FBXW8: variants seen among roughly 807,000 people sequenced by gnomAD.
FBXW8 encodes F-box/WD repeat-containing protein 8.
Under a neutral mutation model 65.3 loss-of-function variants are expected in FBXW8, and 57 were observed. That is an observed-to-expected ratio of 0.87 (90% CI 0.71 to 1.09). The LOEUF (loss-of-function observed/expected upper bound fraction) is 1.09. Among genes scored for constraint, FBXW8 ranks in the 50% least tolerant of loss-of-function variants. The probability of loss-of-function intolerance (pLI) is 0.00; values close to 1 mark genes in which losing one functional copy is unlikely to be tolerated. For synonymous variants in FBXW8, 308 were observed against 330.2 expected (o/e 0.93, Z 0.73); for missense variants, 777 against 814.8 (o/e 0.95, Z 0.57).
At chr12:116,980,457 A>G (rs1350779715) in intron 5 of FBXW8, 1 of 152,172 alleles carries the variant, frequency 6.6e-6, no homozygotes, top group East Asian at 1.9e-4. Flanking sequence ...ACCTTTATTG[A>G]TGTACAGCCA....
chr12:116,963,553 G>A (rs1396800110), intron 4 of FBXW8, among the ~76,000 whole-genome samples: 4 of 152,192 alleles, frequency 2.6e-5, no homozygotes, highest in Non-Finnish European at 5.9e-5. Context: ...GCAGTGAGCC[G>A]AAATTGTGCC....
intron 5 of FBXW8, among the ~76,000 whole-genome samples, chr12:116,969,132 G>A (rs568628413): frequency 2.2e-4 from 34 of 152,182 alleles, no homozygotes; most frequent in Non-Finnish European, 2.4e-4. Flanking sequence ...TGTCCTTTGG[G>A]GTTTCACGTC....
At chr12:116,928,970 C>T (rs918218231) in intron 2 of FBXW8, among the ~76,000 whole-genome samples, 24 of 152,044 alleles carry the variant, frequency 1.6e-4, no homozygotes, top group African/African-American at 5.3e-4. Context: ...GCTGCCATGC[C>T]CAGCTAATTT....
rs76433994 is a variant in FBXW8 at position 117,024,048 on chromosome 12, A to G, written c.1368-99A>G. ...TTGCAGCTGAGGAGTTTTTCATAGC[A>G]GTGTTGTGCATAGACCAGCACCGTG... On this transcript the variant is annotated intron_variant, in intron 8 of 10. Transcript: ENST00000652555. The G allele has an allele frequency of 1.5e-4, 184 of 1,236,968 alleles. No homozygotes were observed. The East Asian group carries it at 3.9e-3, about 26-fold the overall frequency. 76.6% of individuals were successfully genotyped at this position (1,236,968 alleles called of 1,614,324 possible).
intron 8 of FBXW8, among the ~76,000 whole-genome samples, chr12:117,016,098 C>T (rs546284340): frequency 3.3e-5 from 5 of 152,252 alleles, no homozygotes; most frequent in African/African-American, 9.6e-5. Context: ...GGGTTGCTTC[C>T]ACCTTTTGAC....
chr12:117,005,951 C>T (rs1276472997), intron 7 of FBXW8, among the ~76,000 whole-genome samples: 1 of 152,238 alleles, frequency 6.6e-6, no homozygotes, highest in Non-Finnish European at 1.5e-5. Flanking sequence ...AGCACAGCAC[C>T]TCCTAACCTT....
intron 5 of FBXW8, among the ~76,000 whole-genome samples, chr12:116,966,302 A>C (rs970611810): frequency 6.6e-6 from 1 of 152,200 alleles, no homozygotes; most frequent in African/African-American, 2.4e-5. Context: ...ACCTATGCAA[A>C]GATTGCAGTA....
chr12:116,930,856 G>A lies in FBXW8; in HGVS notation c.423+2729G>A, dbSNP rs530722028. On this transcript the variant is annotated intron_variant, in intron 2 of 10. Coordinates refer to ENST00000652555, the MANE Select transcript of FBXW8 (RefSeq NM_153348.3). ...AGAGCCTCACTCTGTTGCCCAGGCTGGCATGCAGTGGTACAATCGTAGCTC... is the reference window on the plus strand; with the variant it reads ...AGAGCCTCACTCTGTTGCCCAGGCTAGCATGCAGTGGTACAATCGTAGCTC... Among the ~76,000 whole-genome samples the A allele has an allele frequency of 2.0e-5, 3 of 152,164 alleles. No homozygotes were observed. The East Asian group carries it at 5.8e-4, about 29-fold the overall frequency.
intron 7 of FBXW8, among the ~76,000 whole-genome samples, chr12:116,990,782 A>G (rs747591570): frequency 2.4e-4 from 36 of 152,294 alleles, no homozygotes; most frequent in Non-Finnish European, 4.3e-4. Flanking sequence ...AAAATTTCCA[A>G]CTCAACTAAA....
At chr12:117,013,137 G>T (rs113133668) in intron 8 of FBXW8, among the ~76,000 whole-genome samples, 7,187 of 152,224 alleles carry the variant, frequency 0.047, 416 homozygotes, top group African/African-American at 0.14. Context: ...CAGCTACTCG[G>T]AGGCTGAGGC....
intron 4 of FBXW8, among the ~76,000 whole-genome samples, chr12:116,952,435 C>G (rs1264461801): frequency 6.6e-6 from 1 of 152,120 alleles, no homozygotes; most frequent in African/African-American, 2.4e-5. Flanking sequence ...CAACCAACAC[C>G]ACTATCTAAT....
chr12:116,935,954 G>A (rs1011999312), intron 2 of FBXW8, among the ~76,000 whole-genome samples: 20 of 152,158 alleles, frequency 1.3e-4, no homozygotes, highest in Non-Finnish European at 2.8e-4. Flanking sequence ...GACTATGTAT[G>A]TGCGAGGTAC....
intron 5 of FBXW8, among the ~76,000 whole-genome samples, chr12:116,967,220 C>T (rs1390947932): frequency 6.6e-6 from 1 of 151,276 alleles, no homozygotes; most frequent in African/African-American, 2.4e-5. Context: ...TTCACACTTA[C>T]AGGGTAAACC....
chr12:117,001,221 T>C (rs566023158), intron 7 of FBXW8, among the ~76,000 whole-genome samples: 1 of 152,352 alleles, frequency 6.6e-6, no homozygotes, highest in East Asian at 1.9e-4. Flanking sequence ...GAGGCCGTTA[T>C]GCCTTAGGGA....
chr12:117,010,506 G>T, intron 8 of FBXW8, 56 bp downstream of exon 8: 2 of 1,611,292 alleles, frequency 1.2e-6, no homozygotes. Context: ...CCAAGGCCCG[G>T]CCCCCACTGC....
chr12:117,007,267 A>G (rs569585161), intron 7 of FBXW8, among the ~76,000 whole-genome samples: 1 of 152,318 alleles, frequency 6.6e-6, no homozygotes, highest in South Asian at 2.1e-4. Flanking sequence ...CTAAGAAAAA[A>G]AAAAACAGAT....
chr12:116,914,378 C>A (rs1296745102), intron 1 of FBXW8, among the ~76,000 whole-genome samples: 1 of 147,098 alleles, frequency 6.8e-6, no homozygotes, highest in Non-Finnish European at 1.5e-5. Context: ...AGCTCAGGAG[C>A]TCAAAACCAA....
chr12:117,014,634 C>T lies in FBXW8; in HGVS notation c.1367+4184C>T, dbSNP rs116637533. ...GGCAGTCACCCTGGTTAGGTTCAGACGGCAAGTTCTGTTTACCCTTTGTGG... is the reference window on the plus strand; with the variant it reads ...GGCAGTCACCCTGGTTAGGTTCAGATGGCAAGTTCTGTTTACCCTTTGTGG... On this transcript the variant is annotated intron_variant, in intron 8 of 10. Transcript: ENST00000652555. 2.9e-3 allele frequency among the ~76,000 whole-genome samples: 444 copies of T among 152,302 alleles called. 3 individuals carry two copies. Among genetic ancestry groups the T allele is most frequent in the African/African-American group, 0.01 (431 of 41,572 alleles).
In FBXW8 at chr12:116,910,970, C is replaced by T. The variant is rs1206234307; in HGVS notation, c.-68C>T. 9.3e-6 allele frequency: 12 copies of T among 1,287,818 alleles called. No homozygotes were observed. The East Asian group carries it at 3.8e-4, about 41-fold the overall frequency. 79.8% of individuals were successfully genotyped at this position (1,287,818 alleles called of 1,614,324 possible). A position where few individuals can be genotyped will look rare whatever the true frequency, so the allele number is the denominator to read the frequency against. On this transcript the variant is annotated 5_prime_UTR_variant, in exon 1 of 11. Transcript: ENST00000652555. ...GGCTTCCGGCCGCGGCGGACACTTCCCTGGGCGGGACTGTCTCGTGGCACC... is the reference window on the plus strand; with the variant it reads ...GGCTTCCGGCCGCGGCGGACACTTCTCTGGGCGGGACTGTCTCGTGGCACC...
Sources: gnomAD v4.1 joint callset for allele counts (sites outside exome capture counted in the v4.1 genomes callset) on GRCh38, gnomAD v4.1.1 for gene constraint, MANE v1.5 for transcripts, NCBI Gene and HGNC (gene_info 2026-07-23, HGNC 2026-07-21) for gene names.